Variants in HOXD13 observed in about 807,000 individuals in gnomAD.
HOXD13 encodes homeobox D13.
A neutral mutation model predicts 27.3 loss-of-function variants in HOXD13; 16 were observed. The observed-to-expected ratio is 0.59, with a 90% CI of 0.40 to 0.89. HOXD13 has a LOEUF of 0.89. Among genes scored for constraint, HOXD13 ranks in the 40% least tolerant of loss-of-function variants. HOXD13 has a pLI of 0.00. For synonymous variants in HOXD13, 241 were observed against 219.0 expected (o/e 1.10, Z -0.89); for missense variants, 481 against 482.6 (o/e 1.00, Z 0.03).
upstream of HOXD13, among the ~76,000 whole-genome samples, chr2:176,089,545 G>A (rs1003221054): frequency 6.6e-6 from 1 of 152,300 alleles, no homozygotes; most frequent in African/African-American, 2.4e-5. Context: ...TGAGCTCATT[G>A]CTGTCTTGGC....
At position 176,093,113 on chromosome 2, in the gene HOXD13, G is replaced by T. The variant is rs762822252; in HGVS notation, c.223G>T (p.Ala75Ser). 2.5e-6 allele frequency: 4 copies of T among 1,574,548 alleles called. No homozygotes were observed. The highest frequency in any genetic ancestry group is 3.4e-6 in the Non-Finnish European group (4 of 1,167,114). ...GGCGGCGGCGGCAGCCTCCGGCTTT[G>T]CGTACCCCGGGACCTCTGAGCGCAC... is the stretch of plus-strand genomic sequence containing the variant. ...AAAAAAASGFAYPGTSERTGS... is the reference protein window; with the variant it reads ...AAAAAAASGFSYPGTSERTGS... The change falls in exon 1 of 2, where the codon GCG becomes TCG. Residue 75 changes from alanine (A) to serine (S), a missense_variant. Transcript: ENST00000392539.
Position 176,094,830 on chromosome 2 carries a change from G to A in HOXD13, c.*100G>A. 9.7e-7 allele frequency: 1 copy of A among 1,031,762 alleles called. No individual in the cohort carries two copies. The highest frequency in any genetic ancestry group is 1.5e-6 in the Non-Finnish European group (1 of 664,724). The allele number at this position is 1,031,762 out of a possible 1,614,324, so 63.9% of individuals were successfully genotyped here. On this transcript the variant is annotated 3_prime_UTR_variant, in exon 2 of 2. Transcript: ENST00000392539. ...ATGTATTTAATTCCCCCCACCCCCT[G>A]CCAATGGTGGCAAATTTTGTGAATT... is the stretch of plus-strand genomic sequence containing the variant.
In HOXD13 at chr2:176,093,262, G is replaced by C; in HGVS notation, c.372G>C (p.Ala124=). The C allele has an allele frequency of 6.2e-7, 1 of 1,610,774 alleles. No individual in the cohort carries two copies. Among genetic ancestry groups the C allele is most frequent in the African/African-American group, 1.3e-5 (1 of 75,024 alleles). The change falls in exon 1 of 2, where the codon GCG becomes GCC. Residue 124 remains alanine (A), a synonymous_variant. Transcript: ENST00000392539. ...CTGCAGCGCCCCCGAGCGCTCCAGC[G>C]CTGGGCTACGGCTACCACTTCGGCA... ...AAAAAPPSAP[A]LGYGYHFGNG... is the part of the protein sequence containing the mutation.
chr2:176,092,655 C>T (rs949711197), upstream of HOXD13, among the ~76,000 whole-genome samples: 1 of 152,004 alleles, frequency 6.6e-6, no homozygotes, highest in Non-Finnish European at 1.5e-5. Context: ...GGCGGCCCCC[C>T]GACCGGCCCA....
chr2:176,093,867 G>C (rs564021690), intron 1 of HOXD13, among the ~76,000 whole-genome samples, 196 bp downstream of exon 1: 33 of 152,272 alleles, frequency 2.2e-4, no homozygotes, highest in Non-Finnish European at 4.1e-4. Flanking sequence ...AACTGCCTCC[G>C]TCACTGCCCT....
In HOXD13 at chr2:176,093,228, C is replaced by T. The variant is rs1192265947; in HGVS notation, c.338C>T (p.Ala113Val). ...AAAGAGTGCCCAGCACCCACGCCTGCAGCGGCCGCTGCAGCGCCCCCGAGC... is the reference window on the plus strand; with the variant it reads ...AAAGAGTGCCCAGCACCCACGCCTGTAGCGGCCGCTGCAGCGCCCCCGAGC... ...PAKECPAPTP[A>V]AAAAAPPSAP... Residue 113 changes from alanine to valine, a missense_variant, in exon 1 of 2, where the codon GCA (alanine) becomes GTA (valine). Coordinates refer to ENST00000392539, the MANE Select transcript of HOXD13 (RefSeq NM_000523.4). 1.2e-6 allele frequency: 2 copies of T among 1,609,472 alleles called. No individual in the cohort carries two copies. The highest frequency in any genetic ancestry group is 1.3e-5 in the African/African-American group (1 of 74,926).
upstream of HOXD13, among the ~76,000 whole-genome samples, chr2:176,088,067 G>A (rs1689267626): frequency 6.6e-6 from 1 of 152,244 alleles, no homozygotes; most frequent in African/African-American, 2.4e-5. Context: ...GCGGGGGGCT[G>A]CGGGCAATTG....
rs1187242520 is a variant in HOXD13, at chr2:176,093,177, C to T, written c.287C>T (p.Ala96Val). Residue 96 changes from alanine (A) to valine (V), a missense_variant, in exon 1 of 2, where the codon GCG becomes GTG. Coordinates refer to ENST00000392539, the MANE Select transcript of HOXD13 (RefSeq NM_000523.4). ...TCGTCGTCCTCTTCTGCCGTTGTAG[C>T]GGCGCGCCCGGAGGCTCCCCCAGCC... ...SSSSSSSAVVAARPEAPPAKE... is the reference protein window; with the variant it reads ...SSSSSSSAVVVARPEAPPAKE... 1.2e-6 allele frequency: 2 copies of T among 1,608,360 alleles called. No homozygotes were observed. Among genetic ancestry groups the T allele is most frequent in the Middle Eastern group, 1.6e-4 (1 of 6,080 alleles).
At chr2:176,094,266 A>T (rs1043584744) in intron 1 of HOXD13, among the ~76,000 whole-genome samples, 3 of 152,208 alleles carry the variant, frequency 2.0e-5, no homozygotes, top group Non-Finnish European at 4.4e-5. Flanking sequence ...CAATCAAATT[A>T]ACCATTGTTG....
Position 176,092,936 on chromosome 2 carries a change from G to T in HOXD13, c.46G>T (p.Gly16Cys). Residue 16 changes from glycine to cysteine, a missense_variant, in exon 1 of 2, where the codon GGC (glycine) becomes TGC (cysteine). By Grantham distance (159) the Gly-to-Cys change is radical. Coordinates refer to ENST00000392539, the MANE Select transcript of HOXD13 (RefSeq NM_000523.4). Reference sequence around the variant, plus strand: ...GGACATGGACGGGCTGCGGGCAGACGGCGGGGGCGCCGGTGGCGCCCCGGC... The same window carrying T: ...GGACATGGACGGGCTGCGGGCAGACTGCGGGGGCGCCGGTGGCGCCCCGGC... ...SWDMDGLRAD[G>C]GGAGGAPASS... 7.5e-7 allele frequency: 1 copy of T among 1,329,132 alleles called. No individual in the cohort carries two copies. The highest frequency in any genetic ancestry group is 3.2e-5 in the East Asian group (1 of 30,828). The allele number at this position is 1,329,132 out of a possible 1,614,324, so 82.3% of individuals were successfully genotyped here.
chr2:176,091,060 C>T (rs1689311629), upstream of HOXD13, among the ~76,000 whole-genome samples: 1 of 152,230 alleles, frequency 6.6e-6, no homozygotes, highest in Non-Finnish European at 1.5e-5. Flanking sequence ...AATTCTCTTG[C>T]TTTTCCTTTC....
chr2:176,091,464 G>C (rs903184269), upstream of HOXD13, among the ~76,000 whole-genome samples: 2 of 152,158 alleles, frequency 1.3e-5, no homozygotes, highest in African/African-American at 4.8e-5. Flanking sequence ...CTGAGATTGA[G>C]GGATGGTGGG....
rs1306615788 is a variant in HOXD13 at position 176,092,890 on chromosome 2, C to A, written c.-1C>A. 36 of 1,269,856 alleles carry A rather than the reference C, an allele frequency of 2.8e-5. No homozygotes were observed. The highest frequency in any genetic ancestry group is 3.5e-5 in the Non-Finnish European group (35 of 1,012,800). The allele number at this position is 1,269,856 out of a possible 1,614,324, so 78.7% of individuals were successfully genotyped here. A position where few individuals can be genotyped will look rare whatever the true frequency, so the allele number is the denominator to read the frequency against. ...GGGCCGGGGCCGGGCCAGGCCGGGC[C>A]ATGAGCCGCGCCGGGAGCTGGGACA... On this transcript the variant is annotated 5_prime_UTR_variant, in exon 1 of 2. Coordinates refer to ENST00000392539, the MANE Select transcript of HOXD13 (RefSeq NM_000523.4).
In HOXD13 at chr2:176,093,067, G is replaced by GGCGGCA. The variant is rs758944808; in HGVS notation, c.183_188dup (p.Ala70_Ala71dup). ...GGACGCATTCGGGGCGGGCGGCGGCGGCGGCAGCGGCGGCTGCGGCGGCGG... is the reference window on the plus strand; with the variant it reads ...GGACGCATTCGGGGCGGGCGGCGGCGGCGGCAGCGGCAGCGGCGGCTGCGGCGGCGG... On this transcript the variant is annotated inframe_insertion, in exon 1 of 2. Coordinates refer to ENST00000392539, the MANE Select transcript of HOXD13 (RefSeq NM_000523.4). 6 of 1,364,802 alleles carry GGCGGCA rather than the reference G, an allele frequency of 4.4e-6. No individual in the cohort carries two copies. The South Asian group carries it at 7.2e-5, about 16-fold the overall frequency. The allele number at this position is 1,364,802 out of a possible 1,614,324, so 84.5% of individuals were successfully genotyped here.
chr2:176,094,778 C>A lies in HOXD13; in HGVS notation c.*48C>A. The A allele has an allele frequency of 6.4e-7, 1 of 1,568,774 alleles. No individual in the cohort carries two copies. Among genetic ancestry groups the A allele is most frequent in the Non-Finnish European group, 8.8e-7 (1 of 1,139,128 alleles). On this transcript the variant is annotated 3_prime_UTR_variant, in exon 2 of 2. Coordinates refer to ENST00000392539, the MANE Select transcript of HOXD13 (RefSeq NM_000523.4). ...CAGCTTAGAAGCCATTCGGTTGTCTCCAAAAGGCCTTTGGAAAGACTTGAA... is the reference window on the plus strand; with the variant it reads ...CAGCTTAGAAGCCATTCGGTTGTCTACAAAAGGCCTTTGGAAAGACTTGAA...
chr2:176,095,426 A>G lies in HOXD13; in HGVS notation c.*696A>G, dbSNP rs745636017. Reference sequence around the variant, plus strand: ...CACTTTGTAGGTTTGTGTTTTCATAATCTTTAATTTGAAACTCATGTGTCC... The same window carrying G: ...CACTTTGTAGGTTTGTGTTTTCATAGTCTTTAATTTGAAACTCATGTGTCC... On this transcript the variant is annotated 3_prime_UTR_variant, in exon 2 of 2. Coordinates refer to ENST00000392539, the MANE Select transcript of HOXD13 (RefSeq NM_000523.4). 2 of 229,930 alleles carry G rather than the reference A, an allele frequency of 8.7e-6. No homozygotes were observed. The highest frequency in any genetic ancestry group is 2.2e-5 in the African/African-American group (1 of 45,244). The allele number at this position is 229,930 out of a possible 1,614,324, so 14.2% of individuals were successfully genotyped here.
At chr2:176,093,925 GTC>G (rs1689372844) in intron 1 of HOXD13, among the ~76,000 whole-genome samples, 1 of 152,272 alleles carries the variant, frequency 6.6e-6, no homozygotes, top group African/African-American at 2.4e-5. Flanking sequence ...AAAGTTGAGA[GTC>G]TCTGCGTGCC....
chr2:176,088,093 G>C (rs1389810434), upstream of HOXD13, among the ~76,000 whole-genome samples: 1 of 152,362 alleles, frequency 6.6e-6, no homozygotes, highest in Non-Finnish European at 1.5e-5. Flanking sequence ...GACAACTTGC[G>C]GTCCCGCCTT....
chr2:176,092,083 G>A (rs1689328940), upstream of HOXD13, among the ~76,000 whole-genome samples: 1 of 152,218 alleles, frequency 6.6e-6, no homozygotes, highest in African/African-American at 2.4e-5. Flanking sequence ...AGCCCCAAGG[G>A]CGCTTCATGG....
Sources: allele counts gnomAD v4.1 joint callset (sites outside exome capture counted in the v4.1 genomes callset), GRCh38; gene constraint gnomAD v4.1.1; transcripts MANE v1.5; gene names NCBI Gene and HGNC (gene_info 2026-07-23, HGNC 2026-07-21).